THSD7B: variants seen among roughly 807,000 people sequenced by gnomAD.
The protein encoded by THSD7B is thrombospondin type 1 domain containing 7B.
In THSD7B, 138 loss-of-function variants were observed where a neutral mutation model predicts 213.6. That is an observed-to-expected ratio of 0.65 (90% CI 0.56 to 0.74). The LOEUF (loss-of-function observed/expected upper bound fraction) is 0.74. THSD7B is among the 30% of genes least tolerant of loss of function. THSD7B has a pLI of 0.00. For synonymous variants in THSD7B, 742 were observed against 687.0 expected (o/e 1.08, Z -1.25); for missense variants, 1,931 against 1,991.5 (o/e 0.97, Z 0.58).
At chr2:136,794,045 C>T (rs1047546358) in intron 1 of THSD7B, among the ~76,000 whole-genome samples, 17 of 151,058 alleles carry the variant, frequency 1.1e-4, no homozygotes, top group Admixed American at 9.9e-4. Flanking sequence ...AATATTCTCT[C>T]ATTATCTGTT....
intron 2 of THSD7B, among the ~76,000 whole-genome samples, chr2:136,953,103 G>T (rs1296213912): frequency 6.6e-6 from 1 of 152,100 alleles, no homozygotes; most frequent in Non-Finnish European, 1.5e-5. Flanking sequence ...CCAATAAAAA[G>T]TAACAGAATA....
chr2:136,871,066 G>A (rs1216504066), intron 1 of THSD7B, among the ~76,000 whole-genome samples: 3 of 152,052 alleles, frequency 2.0e-5, no homozygotes, highest in Non-Finnish European at 4.4e-5. Context: ...TTTTCGATGC[G>A]ACAAAGAAGG....
chr2:136,884,633 C>G (rs1330790073), intron 2 of THSD7B, among the ~76,000 whole-genome samples: 1 of 152,184 alleles, frequency 6.6e-6, no homozygotes, highest in Non-Finnish European at 1.5e-5. Context: ...TATGTATACA[C>G]ACATATTTCA....
intron 27 of THSD7B, among the ~76,000 whole-genome samples, chr2:137,673,347 G>C (rs530962698): frequency 1.1e-4 from 16 of 152,314 alleles, no homozygotes; most frequent in Admixed American, 2.6e-4. Flanking sequence ...AAGTGGCTAT[G>C]GCTGTCAAGA....
intron 1 of THSD7B, among the ~76,000 whole-genome samples, chr2:136,792,573 G>C (rs369488956): frequency 6.6e-6 from 1 of 152,052 alleles, no homozygotes; most frequent in Non-Finnish European, 1.5e-5. Flanking sequence ...ATGTACCACT[G>C]TGGGTGGAAT....
rs780821101 is a variant in THSD7B, at chr2:137,663,389, G to A, written c.4465G>A (p.Val1489Ile). The change falls in exon 26 of 28, where the codon GTC becomes ATC. Residue 1489 changes from valine (V) to isoleucine (I), a missense_variant. Physicochemically the swap from Val to Ile is conservative, Grantham distance 29. Transcript: ENST00000409968. ...AATATTCTTTATGCTGTAGGGTGGA[G>A]TCTGTGGTTGTGAGAAGGGCTATAC... ...KPFSYCTQGG[V>I]CGCEKGYTEI... The A allele has an allele frequency of 2.5e-6, 4 of 1,578,362 alleles. No homozygotes were observed. In the South Asian group the frequency reaches 3.5e-5, roughly 14 times the overall value.
At chr2:137,140,937 G>T (rs1043317017) in intron 5 of THSD7B, among the ~76,000 whole-genome samples, 10 of 152,190 alleles carry the variant, frequency 6.6e-5, no homozygotes, top group African/African-American at 1.9e-4. Flanking sequence ...GTCAGTAAAA[G>T]TTCTATCTCA....
chr2:137,046,996 A>G (rs1274978679), intron 2 of THSD7B, among the ~76,000 whole-genome samples: 1 of 152,182 alleles, frequency 6.6e-6, no homozygotes, highest in East Asian at 1.9e-4. Flanking sequence ...CATGAAAATG[A>G]TATACAGATG....
rs772975420 is a variant in THSD7B, at chr2:136,976,638, T to C, written c.140-79782T>C. On this transcript the variant is annotated intron_variant, in intron 2 of 27. Transcript: ENST00000409968. ...ATATTGGCCTGAAGTTTTCCTTTTTTTTTTTCTTTTTTTGAGATGGAGTCT... is the reference window on the plus strand; with the variant it reads ...ATATTGGCCTGAAGTTTTCCTTTTTCTTTTTCTTTTTTTGAGATGGAGTCT... 2.6e-4 allele frequency among the ~76,000 whole-genome samples: 40 copies of C among 152,172 alleles called. 1 individual carries two copies. The Middle Eastern group carries it at 0.014, about 52-fold the overall frequency.
intron 1 of THSD7B, among the ~76,000 whole-genome samples, chr2:136,873,979 C>G (rs1683485866): frequency 6.6e-6 from 1 of 152,132 alleles, no homozygotes; most frequent in African/African-American, 2.4e-5. Context: ...TGATTTAACA[C>G]CCTTAGGGAT....
At chr2:137,317,515 G>A (rs1448835939) in intron 12 of THSD7B, among the ~76,000 whole-genome samples, 1 of 152,194 alleles carries the variant, frequency 6.6e-6, no homozygotes, top group African/African-American at 2.4e-5. Flanking sequence ...TTATCTTATA[G>A]TATATCCATA....
intron 4 of THSD7B, among the ~76,000 whole-genome samples, chr2:137,100,893 A>AT (rs1275015004): frequency 7.6e-6 from 1 of 131,006 alleles, no homozygotes; most frequent in African/African-American, 3.7e-5. Flanking sequence ...AGCTTTCCAG[A>AT]AAAAAAATCT....
intron 2 of THSD7B, among the ~76,000 whole-genome samples, chr2:136,884,616 G>A (rs2059976): frequency 0.99 from 151,375 of 152,312 alleles, 75,232 homozygotes; most frequent in East Asian, 1. Context: ...TCTTCCATAT[G>A]TGCATGTATG....
intron 12 of THSD7B, among the ~76,000 whole-genome samples, chr2:137,369,543 G>T (rs1248242911): frequency 6.6e-6 from 1 of 152,146 alleles, no homozygotes; most frequent in African/African-American, 2.4e-5. Flanking sequence ...ATATTTGGGG[G>T]TTGAGTGTGC....
chr2:137,407,389 C>T (rs973192793), intron 13 of THSD7B, among the ~76,000 whole-genome samples: 4 of 151,758 alleles, frequency 2.6e-5, no homozygotes, highest in African/African-American at 9.7e-5. Flanking sequence ...ATCTTTATGT[C>T]TACGTGGCAC....
chr2:137,319,702 A>C (rs1684221532), intron 12 of THSD7B, among the ~76,000 whole-genome samples: 2 of 152,150 alleles, frequency 1.3e-5, no homozygotes. Context: ...GGAGGTTTCT[A>C]GTTGCCTTCA....
chr2:137,375,632 T>C (rs1051752597), intron 12 of THSD7B, among the ~76,000 whole-genome samples: 11 of 152,216 alleles, frequency 7.2e-5, no homozygotes, highest in African/African-American at 2.7e-4. Context: ...GAATCCACCA[T>C]TACTCAGACT....
rs537652652 is a variant in THSD7B, at chr2:137,103,818, C to T, written c.1199+8697C>T. Among the ~76,000 whole-genome samples, 11 of 151,944 alleles carry T rather than the reference C, an allele frequency of 7.2e-5. 1 individual carries two copies. Among genetic ancestry groups the T allele is most frequent in the South Asian group, 2.1e-4 (1 of 4,806 alleles). ...CATTACGTAATGGTAAAGGGATAAA[C>T]GCAACAAGACGAGCTAACTGTTGTA... On this transcript the variant is annotated intron_variant, in intron 4 of 27. Transcript: ENST00000409968.
chr2:137,652,801 G>C (rs369304968), intron 21 of THSD7B, among the ~76,000 whole-genome samples: 4 of 152,120 alleles, frequency 2.6e-5, no homozygotes, highest in Non-Finnish European at 4.4e-5. Context: ...AGTTCACTTA[G>C]ATTGCAAAGA....
Sources: allele counts gnomAD v4.1 joint callset (sites outside exome capture counted in the v4.1 genomes callset), GRCh38; gene constraint gnomAD v4.1.1; transcripts MANE v1.5; gene names NCBI Gene and HGNC (gene_info 2026-07-23, HGNC 2026-07-21).